Variants in TBX1 observed in about 807,000 individuals in gnomAD.
TBX1 encodes T-box transcription factor 1.
A neutral mutation model predicts 40.8 loss-of-function variants in TBX1; 16 were observed. The observed-to-expected ratio is 0.39, with a 90% CI of 0.27 to 0.60. The LOEUF (loss-of-function observed/expected upper bound fraction) is 0.60. Ranked by LOEUF, TBX1 falls within the 20% of genes least tolerant of loss-of-function variation. The probability of loss-of-function intolerance (pLI) is 0.51; values close to 1 mark genes in which losing one functional copy is unlikely to be tolerated. For synonymous variants in TBX1, 403 were observed against 336.8 expected, an observed-to-expected ratio of 1.20 and a Z score of -2.15; for missense variants, 755 against 728.5, an observed-to-expected ratio of 1.04 and a Z score of -0.42.
chr22:19,767,253 G>T lies in TBX1; in HGVS notation c.*386G>T. ...CAGCCCGAGAGCCCCGCCTGCAGGC[G>T]GTGTAGATACATGTAGATACTGTAG... On this transcript the variant is annotated 3_prime_UTR_variant, in exon 7 of 7. Coordinates refer to ENST00000649276, the MANE Select transcript of TBX1 (RefSeq NM_001379200.1). 9.5e-7 allele frequency: 1 copy of T among 1,049,202 alleles called. No homozygotes were observed. Among genetic ancestry groups the T allele is most frequent in the Non-Finnish European group, 1.1e-6 (1 of 872,918 alleles). The allele number at this position is 1,049,202 out of a possible 1,614,324, so 65.0% of individuals were successfully genotyped here.
At position 19,766,419 on chromosome 22, in the gene TBX1, G is replaced by A; in HGVS notation, c.1067G>A (p.Arg356His). ...GCTGAGGCCCGGCGAGAATTCCAGC[G>A]CGACGCGGGCGGGCCAGCAGTGCTC... ...DAAEARREFQ[R>H]DAGGPAVLGD... Residue 356 changes from arginine to histidine, a missense_variant, in exon 7 of 7, where the codon CGC becomes CAC. Arg to His is a conservative substitution (Grantham distance 29). Transcript: ENST00000649276. 7.4e-7 allele frequency: 1 copy of A among 1,343,438 alleles called. No homozygotes were observed. Among genetic ancestry groups the A allele is most frequent in the Non-Finnish European group, 9.6e-7 (1 of 1,043,962 alleles). The allele number at this position is 1,343,438 out of a possible 1,614,324, so 83.2% of individuals were successfully genotyped here. A position where few individuals can be genotyped will look rare whatever the true frequency, so the allele number is the denominator to read the frequency against.
At chr22:19,765,248 G>GA (rs1023729332) in intron 4 of TBX1, 135 bp downstream of exon 4, 104 of 1,365,608 alleles carry the variant, frequency 7.6e-5, no homozygotes, top group Non-Finnish European at 1.1e-4. Context: ...AACCCAACTG[G>GA]AGCCCCACTC....
upstream of TBX1, among the ~76,000 whole-genome samples, chr22:19,758,023 G>A (rs902014669): frequency 6.6e-6 from 1 of 152,054 alleles, no homozygotes; most frequent in Non-Finnish European, 1.5e-5. Flanking sequence ...AGCACTATTC[G>A]TATACTCACC....
At chr22:19,773,731 C>T (rs1350799239) in intron 8 of TBX1, among the ~76,000 whole-genome samples, 4 of 152,208 alleles carry the variant, frequency 2.6e-5, no homozygotes, top group Non-Finnish European at 5.9e-5. Context: ...GAGCCCCAGG[C>T]ATCTCGGCAT....
chr22:19,760,395 G>A (rs534846277), upstream of TBX1, among the ~76,000 whole-genome samples: 1 of 148,998 alleles, frequency 6.7e-6, no homozygotes, highest in East Asian at 2.0e-4. Flanking sequence ...AGAGATAGGG[G>A]AAGAAAAAAG....
chr22:19,773,881 T>G (rs1040674644), intron 8 of TBX1, among the ~76,000 whole-genome samples: 1 of 152,162 alleles, frequency 6.6e-6, no homozygotes, highest in African/African-American at 2.4e-5. Flanking sequence ...AGCCGCCGAG[T>G]TTCCCTCCTG....
At chr22:19,781,271 C>T (rs555994336), downstream of TBX1, among the ~76,000 whole-genome samples, 2 of 151,842 alleles carry the variant, frequency 1.3e-5, no homozygotes, top group Non-Finnish European at 2.9e-5. Flanking sequence ...TTTTTAGAGA[C>T]AGGGTCTCAC....
downstream of TBX1, among the ~76,000 whole-genome samples, chr22:19,780,788 G>GTTTT (rs58810923): frequency 7.6e-6 from 1 of 130,758 alleles, no homozygotes; most frequent in Non-Finnish European, 1.6e-5. Context: ...TTTTTTTTTT[G>GTTTT]TTTTTTTTTT....
downstream of TBX1, chr22:19,783,447 G>A: frequency 3.5e-6 from 1 of 289,296 alleles, no homozygotes; most frequent in Non-Finnish European, 6.8e-6. Context: ...TTACTCGGGA[G>A]GCTGAGGCAG....
chr22:19,770,228 T>G (rs1936966009), downstream of TBX1, among the ~76,000 whole-genome samples: 1 of 151,932 alleles, frequency 6.6e-6, no homozygotes, highest in Non-Finnish European at 1.5e-5. Context: ...TCCCAAAAAC[T>G]CTCCAAAAAC....
At chr22:19,761,312 C>T (rs748801305) in intron 1 of TBX1, 32 bp downstream of exon 1, 1 of 1,522,644 alleles carries the variant, frequency 6.6e-7, no homozygotes, top group South Asian at 1.2e-5. Flanking sequence ...CCGCGACCCT[C>T]CCCACGTGCT....
At chr22:19,782,976 G>A (rs766688206), downstream of TBX1, 3 of 1,441,480 alleles carry the variant, frequency 2.1e-6, no homozygotes, top group Non-Finnish European at 2.9e-6. Context: ...AAGCCCCCAA[G>A]TAAGAAGTCT....
At chr22:19,767,856 T>C (rs561498006), downstream of TBX1, among the ~76,000 whole-genome samples, 3 of 152,318 alleles carry the variant, frequency 2.0e-5, no homozygotes, top group Admixed American at 1.3e-4. Flanking sequence ...ACTGTTCTGC[T>C]AGCATTTCCC....
At position 19,760,996 on chromosome 22, in the gene TBX1, G is replaced by A; in HGVS notation, c.153G>A (p.Glu51=). ...SPGADPYGPR[E]PPPPPPRYDP... ...GCGCCGACCCGTACGGCCCGCGCGA[G>A]CCCCCGCCGCCGCCGCCGCGCTACG... Residue 51 remains glutamate, a synonymous_variant, in exon 1 of 7, where the codon GAG becomes GAA. Transcript: ENST00000649276. 6 of 941,052 alleles carry A rather than the reference G, an allele frequency of 6.4e-6. No homozygotes were observed. The highest frequency in any genetic ancestry group is 7.6e-6 in the Non-Finnish European group (6 of 792,830). 58.3% of individuals were successfully genotyped at this position (941,052 alleles called of 1,614,324 possible). A position where few individuals can be genotyped will look rare whatever the true frequency, so the allele number is the denominator to read the frequency against.
chr22:19,759,065 C>T (rs568704776), upstream of TBX1, among the ~76,000 whole-genome samples: 2 of 152,194 alleles, frequency 1.3e-5, no homozygotes, highest in East Asian at 3.9e-4. Flanking sequence ...GGCAGCCACT[C>T]GCTGCTTCAT....
intron 4 of TBX1, 132 bp downstream of exon 4, chr22:19,765,245 C>CT (rs1314606904): frequency 6.5e-6 from 9 of 1,383,404 alleles, no homozygotes; most frequent in Non-Finnish European, 8.1e-6. Context: ...CCCAACCCAA[C>CT]TGGAGCCCCA....
At chr22:19,776,881 G>C (rs1937073565) in intron 8 of TBX1, among the ~76,000 whole-genome samples, 1 of 152,038 alleles carries the variant, frequency 6.6e-6, no homozygotes, top group Non-Finnish European at 1.5e-5. Context: ...GTGCCGCGTG[G>C]CTCTGTTTAT....
chr22:19,782,936 C>T (rs781230731), downstream of TBX1: 4 of 1,605,314 alleles, frequency 2.5e-6, no homozygotes, highest in Non-Finnish European at 3.4e-6. Context: ...AGGCTCTGGG[C>T]TCCAACCTGG....
At chr22:19,771,861 A>G (rs894630118), downstream of TBX1, among the ~76,000 whole-genome samples, 2 of 152,210 alleles carry the variant, frequency 1.3e-5, no homozygotes, top group Non-Finnish European at 2.9e-5. Context: ...GCTGCAGTTG[A>G]GGCCCATGTC....
Sources: allele counts gnomAD v4.1 joint callset (sites outside exome capture counted in the v4.1 genomes callset), GRCh38; gene constraint gnomAD v4.1.1; transcripts MANE v1.5; gene names NCBI Gene and HGNC (gene_info 2026-07-23, HGNC 2026-07-21).